The following GAS7 variants were observed in gnomAD, a reference collection of about 807,000 sequenced individuals.
GAS7 encodes growth arrest-specific protein 7.
Under a neutral mutation model 71.1 loss-of-function variants are expected in GAS7, and 28 were observed. The ratio of observed to expected loss-of-function variants is 0.39; its 90% confidence interval spans 0.29 to 0.54. The LOEUF (loss-of-function observed/expected upper bound fraction) is 0.54. Among genes scored for constraint, GAS7 ranks in the 20% least tolerant of loss-of-function variants. The pLI is 0.62. For synonymous variants in GAS7, 258 were observed against 245.8 expected (o/e 1.05, Z -0.46); for missense variants, 436 against 627.8 (o/e 0.69, Z 3.27).
At chr17:9,962,820 C>A (rs1370269299) in intron 4 of GAS7, among the ~76,000 whole-genome samples, 1 of 152,128 alleles carries the variant, frequency 6.6e-6, no homozygotes, top group Non-Finnish European at 1.5e-5. Flanking sequence ...GCAGTCAGCA[C>A]CTTAACCGAG....
chr17:10,122,103 C>T (rs1015739727), intron 1 of GAS7, among the ~76,000 whole-genome samples: 1 of 152,186 alleles, frequency 6.6e-6, no homozygotes. Flanking sequence ...GAGATGTAAA[C>T]AGAGGGAGGA....
chr17:10,001,229 G>C (rs2071258381), intron 2 of GAS7, among the ~76,000 whole-genome samples: 1 of 152,204 alleles, frequency 6.6e-6, no homozygotes, highest in Non-Finnish European at 1.5e-5. Flanking sequence ...AGAGGAGCAA[G>C]AGGGTTATGC....
chr17:10,159,115 C>T (rs2074231873), intron 1 of GAS7, among the ~76,000 whole-genome samples: 1 of 112,822 alleles, frequency 8.9e-6, no homozygotes. Flanking sequence ...AACACACACG[C>T]ACAATGTGAG....
intron 7 of GAS7, among the ~76,000 whole-genome samples, chr17:9,942,415 T>TG (rs1429844712): frequency 2.0e-5 from 3 of 152,138 alleles, no homozygotes; most frequent in Admixed American, 6.6e-5. Flanking sequence ...CCTCAGAACT[T>TG]GGAGACAGAG....
chr17:10,114,029 C>T (rs2073837918), intron 1 of GAS7, among the ~76,000 whole-genome samples: 1 of 152,154 alleles, frequency 6.6e-6, no homozygotes, highest in African/African-American at 2.4e-5. Flanking sequence ...ATCTTCCTGC[C>T]TCAGCCTCCC....
In GAS7 at chr17:10,111,536, A is replaced by AAAAC. The variant is rs986093863; in HGVS notation, c.183+86668_183+86671dup. On this transcript the variant is annotated intron_variant, in intron 1 of 13. Coordinates refer to ENST00000432992, the MANE Select transcript of GAS7 (RefSeq NM_201433.2). ...TGACAGAGTGAGACTCTGTCTCAAA[A>AAAAC]AAACAAACAAACAAACAAACAAAAA... Among the ~76,000 whole-genome samples, 89 of 119,332 alleles carry AAAAC rather than the reference A, an allele frequency of 7.5e-4. 1 individual carries two copies. Among genetic ancestry groups the AAAAC allele is most frequent in the African/African-American group, 2.5e-3 (83 of 33,654 alleles). 78.3% of individuals were successfully genotyped at this position (119,332 alleles called of 152,430 possible).
intron 1 of GAS7, among the ~76,000 whole-genome samples, chr17:10,158,583 T>C (rs981331293): frequency 6.6e-6 from 1 of 152,138 alleles, no homozygotes; most frequent in Non-Finnish European, 1.5e-5. Context: ...GTTCTCAACT[T>C]ACTTTGAAAT....
chr17:9,970,038 G>T (rs914812007), intron 3 of GAS7, among the ~76,000 whole-genome samples: 1 of 152,114 alleles, frequency 6.6e-6, no homozygotes, highest in African/African-American at 2.4e-5. Context: ...TAACAGGAGG[G>T]GAGGTCACTA....
At chr17:10,036,370 T>C (rs1349658513) in intron 1 of GAS7, 1 of 1,296,924 alleles carries the variant, frequency 7.7e-7, no homozygotes, top group Admixed American at 1.7e-5. Context: ...ACAGTCATTT[T>C]AGAAACATGC....
Position 9,913,986 on chromosome 17 carries a change from T to A in GAS7, c.*3242A>T, listed in dbSNP as rs1182884491. The A allele has an allele frequency of 4.3e-6, 1 of 231,838 alleles. No individual in the cohort carries two copies. Among genetic ancestry groups the A allele is most frequent in the African/African-American group, 2.2e-5 (1 of 45,220 alleles). The allele number at this position is 231,838 out of a possible 1,614,324, so 14.4% of individuals were successfully genotyped here. Reference sequence around the variant, plus strand: ...CCCGCCCACTTTGAATAAACCCAGCTAAGTCCTCACCTAAGCACCAAGACA... The same window carrying A: ...CCCGCCCACTTTGAATAAACCCAGCAAAGTCCTCACCTAAGCACCAAGACA... On this transcript the variant is annotated 3_prime_UTR_variant, in exon 14 of 14. Coordinates refer to ENST00000432992, the MANE Select transcript of GAS7 (RefSeq NM_201433.2).
chr17:9,933,351 GC>G (rs1452012934), intron 9 of GAS7, among the ~76,000 whole-genome samples: 1 of 152,140 alleles, frequency 6.6e-6, no homozygotes, highest in African/African-American at 2.4e-5. Flanking sequence ...CCCTTTGAAA[GC>G]CAGGCAAAAA....
chr17:10,142,738 T>C (rs2074092547), intron 1 of GAS7, among the ~76,000 whole-genome samples: 1 of 152,172 alleles, frequency 6.6e-6, no homozygotes, highest in Admixed American at 6.5e-5. Flanking sequence ...TTCTGAGGTA[T>C]CCCCAATATA....
Position 9,959,911 on chromosome 17 carries a change from G to A in GAS7, c.472-656C>T, listed in dbSNP as rs910889589. 1.3e-5 allele frequency among the ~76,000 whole-genome samples: 2 copies of A among 152,196 alleles called. No individual in the cohort carries two copies. Among genetic ancestry groups the A allele is most frequent in the Non-Finnish European group, 2.9e-5 (2 of 68,042 alleles). On this transcript the variant is annotated intron_variant, in intron 4 of 13. Coordinates refer to ENST00000432992, the MANE Select transcript of GAS7 (RefSeq NM_201433.2). The surrounding 1 kb of genome is among the most constrained non-coding windows in gnomAD (Gnocchi z 5.0). Reference sequence around the variant, plus strand: ...ACCTCTGAGCCTGGGGTCCTCAGCAGTTTGCCAAAGTCCTGGGATCGTTCT... The same window carrying A: ...ACCTCTGAGCCTGGGGTCCTCAGCAATTTGCCAAAGTCCTGGGATCGTTCT...
At position 9,974,863 on chromosome 17, in the gene GAS7, G is replaced by A. The variant is rs145202319; in HGVS notation, c.386-5101C>T. Among the ~76,000 whole-genome samples, 429 of 152,216 alleles carry A rather than the reference G, an allele frequency of 2.8e-3. 2 individuals carry two copies. Among genetic ancestry groups the A allele is most frequent in the African/African-American group, 9.5e-3 (395 of 41,526 alleles). On this transcript the variant is annotated intron_variant, in intron 3 of 13. Transcript: ENST00000432992. The surrounding 1 kb of genome is among the most constrained non-coding windows in gnomAD (Gnocchi z 4.0). ...CAGGGCTCACCCCCACCCACAGCTC[G>A]GCTTCCATATCTCAGTACCGATCCC...
chr17:10,079,351 T>G (rs2073431760), intron 1 of GAS7, among the ~76,000 whole-genome samples: 2 of 152,198 alleles, frequency 1.3e-5, no homozygotes, highest in Admixed American at 6.5e-5. Flanking sequence ...TACTCTAAAG[T>G]TTAACCTGAA....
At chr17:9,961,882 G>A (rs948469485) in intron 4 of GAS7, among the ~76,000 whole-genome samples, 4 of 152,164 alleles carry the variant, frequency 2.6e-5, no homozygotes, top group Non-Finnish European at 5.9e-5. Context: ...TCCACTTTGA[G>A]ACCTGAGACA....
At chr17:10,122,993 G>A (rs1054505074) in intron 1 of GAS7, among the ~76,000 whole-genome samples, 4 of 152,110 alleles carry the variant, frequency 2.6e-5, no homozygotes, top group Non-Finnish European at 4.4e-5. Flanking sequence ...CACCACGCCT[G>A]GCTGATTTTT....
In GAS7 at chr17:9,974,152, C is replaced by G. The variant is rs537641515; in HGVS notation, c.386-4390G>C. 1.3e-5 allele frequency among the ~76,000 whole-genome samples: 2 copies of G among 152,338 alleles called. No homozygotes were observed. The highest frequency in any genetic ancestry group is 4.1e-4 in the South Asian group (2 of 4,828). ...TGTCAGCTGATGGCTAATTACTGCT[C>G]ATGTCAAAACAATTACGAGGAAAGA... On this transcript the variant is annotated intron_variant, in intron 3 of 13. Transcript: ENST00000432992. This position sits in a 1 kb window ranked among gnomAD's most constrained non-coding sequence, Gnocchi z 4.0.
At chr17:10,005,202 T>C (rs1317476599) in intron 2 of GAS7, among the ~76,000 whole-genome samples, 3 of 117,564 alleles carry the variant, frequency 2.6e-5, no homozygotes, top group African/African-American at 9.2e-5. Context: ...CGCATGCATG[T>C]GTGTGCATGT....
Sources: allele counts gnomAD v4.1 joint callset (sites outside exome capture counted in the v4.1 genomes callset), GRCh38; gene constraint gnomAD v4.1.1; non-coding constraint Gnocchi (gnomAD v3.1); transcripts MANE v1.5; gene names NCBI Gene and HGNC (gene_info 2026-07-23, HGNC 2026-07-21).